CHD2: variants seen among roughly 807,000 people sequenced by gnomAD.
The protein encoded by CHD2 is chromodomain helicase DNA binding protein 2.
Under a neutral mutation model 243.9 loss-of-function variants are expected in CHD2, and 28 were observed. The observed-to-expected ratio is 0.11, with a 90% CI of 0.09 to 0.16. CHD2 has a LOEUF of 0.16. CHD2 is among the 10% of genes least tolerant of loss of function. CHD2 has a pLI of 1.00. For synonymous variants in CHD2, 775 were observed against 779.0 expected (o/e 0.99, Z 0.09); for missense variants, 1,386 against 2,209.8 (o/e 0.63, Z 7.47).
chr15:93,015,549 G>A (rs2054448985), intron 37 of CHD2, among the ~76,000 whole-genome samples: 1 of 150,004 alleles, frequency 6.7e-6, no homozygotes, highest in Non-Finnish European at 1.5e-5. Context: ...TAGAAAAATG[G>A]GCAATCAACA....
chr15:93,017,512 TTTTTTTTG>T (rs2054479092), intron 37 of CHD2, among the ~76,000 whole-genome samples: 1 of 143,966 alleles, frequency 6.9e-6, no homozygotes, highest in Non-Finnish European at 1.5e-5. Flanking sequence ...TTTTTTTTTT[TTTTTTTTG>T]TATTTTTGTA....
In CHD2 at chr15:93,024,427, C is replaced by T; in HGVS notation, c.5209C>T (p.His1737Tyr). Reference protein sequence around the residue: ...RSDEFRPQNYHQQDFRRMSDH... With the variant: ...RSDEFRPQNYYQQDFRRMSDH... ...CGATGAATTTAGGCCTCAAAATTAC[C>T]ACCAGCAGGATTTCCGACGAATGTC... Residue 1737 changes from histidine to tyrosine, a missense_variant, in exon 39 of 39, where the codon CAC (histidine) becomes TAC (tyrosine). By Grantham distance (83) the His-to-Tyr change is moderately conservative. Around this residue, in one of 19 missense-constraint regions of CHD2, gnomAD observed 347 missense variants for 341.6 expected, o/e 1.02. Transcript: ENST00000394196. The T allele has an allele frequency of 6.2e-7, 1 of 1,614,148 alleles. No homozygotes were observed.
At chr15:92,976,913 AT>A (rs1179280046) in intron 20 of CHD2, among the ~76,000 whole-genome samples, 7 of 149,288 alleles carry the variant, frequency 4.7e-5, no homozygotes, top group South Asian at 2.1e-4. Flanking sequence ...AAAAAAAAAA[AT>A]TTTTTTTTTA....
chr15:92,967,656 G>T, intron 17 of CHD2, 143 bp downstream of exon 17: 1 of 506,594 alleles, frequency 2.0e-6, no homozygotes, highest in East Asian at 3.6e-5. Context: ...CTACCGAGTA[G>T]CTGGGATTAC....
intron 28 of CHD2, among the ~76,000 whole-genome samples, chr15:92,995,021 A>G (rs1453555851): frequency 6.6e-6 from 1 of 152,234 alleles, no homozygotes; most frequent in African/African-American, 2.4e-5. Context: ...AAATGTTAAC[A>G]TAATTACATA....
chr15:92,938,766 C>CT (rs2053309356), intron 6 of CHD2, among the ~76,000 whole-genome samples: 1 of 152,074 alleles, frequency 6.6e-6, no homozygotes. Context: ...CTTCTTTCAC[C>CT]TTTTTATCAC....
chr15:93,009,650 C>T (rs987099832), intron 35 of CHD2, among the ~76,000 whole-genome samples: 2 of 152,178 alleles, frequency 1.3e-5, no homozygotes, highest in African/African-American at 4.8e-5. Context: ...CTACTTTACC[C>T]ATCTCAGGTT....
rs2141839141 is a variant in CHD2 at position 92,974,909 on chromosome 15, C to G, written c.2536C>G (p.Arg846Gly). ...RLDGSIKGEIRKQALDHFNAD... is the reference protein window; with the variant it reads ...RLDGSIKGEIGKQALDHFNAD... ...GGATGGTTCCATCAAGGGAGAAATC[C>G]GAAAACAGGCACTGGACCACTTCAA... Residue 846 changes from arginine to glycine, a missense_variant, in exon 20 of 39, where the codon CGA (arginine) becomes GGA (glycine). Physicochemically the swap from Arg to Gly is moderately radical, Grantham distance 125. Transcript: ENST00000394196. The G allele has an allele frequency of 6.2e-7, 1 of 1,613,652 alleles. No homozygotes were observed. Among genetic ancestry groups the G allele is most frequent in the Non-Finnish European group, 8.5e-7 (1 of 1,179,682 alleles).
At chr15:93,019,581 A>G (rs752101528) in intron 37 of CHD2, among the ~76,000 whole-genome samples, 1 of 152,230 alleles carries the variant, frequency 6.6e-6, no homozygotes, top group South Asian at 2.1e-4. Context: ...TGCTTACTTC[A>G]GCAGCATACC....
At chr15:92,903,477 A>G (rs2052559242) in intron 2 of CHD2, among the ~76,000 whole-genome samples, 1 of 152,236 alleles carries the variant, frequency 6.6e-6, no homozygotes, top group Admixed American at 6.5e-5. Context: ...GAAATAGTGC[A>G]GTAGTTAATA....
At chr15:92,901,768 C>T (rs2052532002) in intron 2 of CHD2, 1 of 262,108 alleles carries the variant, frequency 3.8e-6, no homozygotes, top group Non-Finnish European at 7.1e-6. Flanking sequence ...ATAGACATAT[C>T]AGAAAGTTAT....
chr15:92,967,523 T>C lies in CHD2; in HGVS notation c.2189+10T>C. The C allele has an allele frequency of 6.2e-7, 1 of 1,612,874 alleles. No homozygotes were observed. Among genetic ancestry groups the C allele is most frequent in the Admixed American group, 1.7e-5 (1 of 59,978 alleles). On this transcript the variant is annotated intron_variant, in intron 17 of 38. Transcript: ENST00000394196. ...AGAAACAGTATTACAAGTAAGTTCT[T>C]GTTTGGGTTAGGCCTGAAGGGGTTG...
At chr15:92,999,845 A>G (rs1336843185) in intron 31 of CHD2, among the ~76,000 whole-genome samples, 1 of 152,154 alleles carries the variant, frequency 6.6e-6, no homozygotes, top group Non-Finnish European at 1.5e-5. Context: ...TAATGTTACT[A>G]TTATGTCTTT....
intron 25 of CHD2, among the ~76,000 whole-genome samples, chr15:92,984,914 T>C (rs552839284): frequency 4.5e-4 from 68 of 152,324 alleles, no homozygotes; most frequent in Admixed American, 2.9e-3. Flanking sequence ...AAGAAACATA[T>C]ACCAACTTGA....
At position 92,994,224 on chromosome 15, in the gene CHD2, G is replaced by A. The variant is rs1041765756; in HGVS notation, c.3595+1226G>A. Reference sequence around the variant, plus strand: ...TTGGGCAAGTTATATCCCTTCAACTGTCTCATTTGCAAAATAGAGTAATAG... The same window carrying A: ...TTGGGCAAGTTATATCCCTTCAACTATCTCATTTGCAAAATAGAGTAATAG... On this transcript the variant is annotated intron_variant, in intron 28 of 38. Transcript: ENST00000394196. Among the ~76,000 whole-genome samples, 2 of 152,092 alleles carry A rather than the reference G, an allele frequency of 1.3e-5. 1 individual carries two copies. The highest frequency in any genetic ancestry group is 1.3e-4 in the Admixed American group (2 of 15,258).
chr15:92,911,156 AT>A (rs1446566123), intron 2 of CHD2, among the ~76,000 whole-genome samples: 2 of 152,190 alleles, frequency 1.3e-5, no homozygotes, highest in Non-Finnish European at 2.9e-5. Context: ...AGTAGGCGAA[AT>A]GATTGTGAGA....
At chr15:92,921,652 G>C (rs1479111866) in intron 2 of CHD2, among the ~76,000 whole-genome samples, 1 of 152,202 alleles carries the variant, frequency 6.6e-6, no homozygotes, top group African/African-American at 2.4e-5. Flanking sequence ...GTTAGCTGGG[G>C]AGAATTTTGT....
At chr15:92,908,001 G>C (rs1010229136) in intron 2 of CHD2, among the ~76,000 whole-genome samples, 24 of 132,104 alleles carry the variant, frequency 1.8e-4, no homozygotes, top group African/African-American at 6.9e-4. Context: ...TCCTCTCTTA[G>C]AATTTTTTTT....
At chr15:92,925,136 G>A (rs1052998634) in intron 3 of CHD2, among the ~76,000 whole-genome samples, 2 of 152,114 alleles carry the variant, frequency 1.3e-5, no homozygotes, top group African/African-American at 2.4e-5. Flanking sequence ...GAGCAGTTCC[G>A]GAAAGTTAAT....
Sources: allele counts gnomAD v4.1 joint callset (sites outside exome capture counted in the v4.1 genomes callset), GRCh38; gene constraint gnomAD v4.1.1; regional missense constraint gnomAD v4.1.1; transcripts MANE v1.5; gene names NCBI Gene and HGNC (gene_info 2026-07-23, HGNC 2026-07-21).